ZFP92: variants seen among roughly 807,000 people sequenced by gnomAD.
The protein encoded by ZFP92 is ZFP92 zinc finger protein, also known as zinc finger protein 92 homolog.
Under a neutral mutation model 7.6 loss-of-function variants are expected in ZFP92, and 2 were observed. The ratio of observed to expected loss-of-function variants is 0.26; its 90% CI spans 0.11 to 0.83. ZFP92 has a LOEUF of 0.83. ZFP92 is among the 40% of genes least tolerant of loss of function. The pLI is 0.65. For synonymous variants in ZFP92, 226 were observed against 183.6 expected, an observed-to-expected ratio of 1.23 and a Z score of -1.87; for missense variants, 324 against 408.3, an observed-to-expected ratio of 0.79 and a Z score of 1.78.
chrX:153,421,181 G>A lies in ZFP92; in HGVS notation c.804G>A (p.Glu268=), dbSNP rs782714331. Residue 268 remains glutamate, a synonymous_variant, in exon 6 of 6, where the codon GAG becomes GAA. Coordinates refer to ENST00000338647, the MANE Select transcript of ZFP92 (RefSeq NM_001136273.2). ...HSGERPYACP[E]CGKAFSRSSN... is the part of the protein sequence containing the mutation. ...GCGAGCGGCCCTACGCGTGCCCAGA[G>A]TGCGGCAAGGCCTTCAGCCGCAGCT... 1 of 1,185,592 alleles carries A rather than the reference G, an allele frequency of 8.4e-7. No homozygotes were observed. The highest frequency in any genetic ancestry group is 1.8e-5 in the South Asian group (1 of 54,409).
rs1378520732 is a variant in ZFP92 at position 153,422,721 on chromosome X, G to A, written c.*1093G>A. 3.5e-5 allele frequency: 4 copies of A among 112,994 alleles called. No individual in the cohort carries two copies. Among genetic ancestry groups the A allele is most frequent in the Admixed American group, 2.8e-4 (3 of 10,801 alleles). The allele number at this position is 112,994 out of a possible 1,213,427, so 9.3% of individuals were successfully genotyped here. ...CAAGCCCAGGAACGAATCTTTCATC[G>A]AATGTCTTTTGCGTGACATTTTGTA... is the stretch of plus-strand genomic sequence containing the variant. On this transcript the variant is annotated 3_prime_UTR_variant, in exon 6 of 6. Transcript: ENST00000338647.
intron 2 of ZFP92, 97 bp from the exon 3 acceptor site, chrX:153,418,208 T>C: frequency 1.0e-6 from 1 of 992,065 alleles, no homozygotes; most frequent in Non-Finnish European, 1.4e-6. Flanking sequence ...GCTGTGCTTA[T>C]TTCACAAGAA....
At chrX:153,418,485 C>T (rs2088973106) in intron 3 of ZFP92, 130 bp downstream of exon 3, 1 of 986,777 alleles carries the variant, frequency 1.0e-6, no homozygotes, top group Admixed American at 3.2e-5. Context: ...CTGAGGCGCA[C>T]AATCTGGGCT....
intron 2 of ZFP92, among the ~76,000 whole-genome samples, chrX:153,412,507 T>C (rs911459741): frequency 8.9e-6 from 1 of 112,366 alleles, no homozygotes; most frequent in Non-Finnish European, 1.9e-5. Context: ...TAAAAGGCAG[T>C]AAGAGCCGGG....
chrX:153,421,071 G>A lies in ZFP92; in HGVS notation c.694G>A (p.Gly232Ser), dbSNP rs782446518. The A allele has an allele frequency of 1.1e-4, 130 of 1,187,274 alleles. 1 individual carries two copies. The highest frequency in any genetic ancestry group is 1.4e-4 in the Non-Finnish European group (120 of 883,417). ...CATCAAGCACCAGGTCATCCACAGC[G>A]GCGAGCGGCCCTTCGCCTGCGGCGA... The part of the protein sequence containing the change: ...NLIKHQVIHS[G>S]ERPFACGDCG... The change falls in exon 6 of 6, where the codon GGC (glycine) becomes AGC (serine). Residue 232 changes from glycine (G) to serine (S), a missense_variant. Physicochemically the swap from Gly to Ser is moderately conservative, Grantham distance 56. Coordinates refer to ENST00000338647, the MANE Select transcript of ZFP92 (RefSeq NM_001136273.2).
intron 2 of ZFP92, among the ~76,000 whole-genome samples, chrX:153,415,540 T>A (rs1488466079): frequency 1.8e-5 from 2 of 111,929 alleles, no homozygotes; most frequent in African/African-American, 6.5e-5. Flanking sequence ...CTCTAGTGAT[T>A]AATGCTGCTG....
Position 153,421,794 on chromosome X carries a change from C to G in ZFP92, c.*166C>G. On this transcript the variant is annotated 3_prime_UTR_variant, in exon 6 of 6. Coordinates refer to ENST00000338647, the MANE Select transcript of ZFP92 (RefSeq NM_001136273.2). Reference sequence around the variant, plus strand: ...AGAAGACCCCAGGCAGAGCCTCACCCTGAGGCTGAGAAACGCAGGAAGGAC... The same window carrying G: ...AGAAGACCCCAGGCAGAGCCTCACCGTGAGGCTGAGAAACGCAGGAAGGAC... 1.6e-6 allele frequency: 1 copy of G among 626,442 alleles called. No individual in the cohort carries two copies. The highest frequency in any genetic ancestry group is 2.1e-6 in the Non-Finnish European group (1 of 487,272). 51.6% of individuals were successfully genotyped at this position (626,442 alleles called of 1,213,427 possible).
Position 153,421,959 on chromosome X carries a change from G to C in ZFP92, c.*331G>C, listed in dbSNP as rs1308747351. 1.3e-5 allele frequency: 2 copies of C among 155,833 alleles called. No individual in the cohort carries two copies. Among genetic ancestry groups the C allele is most frequent in the Non-Finnish European group, 2.5e-5 (2 of 81,349 alleles). The allele number at this position is 155,833 out of a possible 1,213,427, so 12.8% of individuals were successfully genotyped here. ...TGGCACCTGGGCCACTCGTCCCTGA[G>C]CCACAGGTACTATCGAGTGTGCACA... On this transcript the variant is annotated 3_prime_UTR_variant, in exon 6 of 6. Transcript: ENST00000338647.
At position 153,424,964 on chromosome X, in the gene ZFP92, G is replaced by T. The variant is rs1292881657; in HGVS notation, c.*3336G>T. The T allele has an allele frequency of 8.9e-6, 1 of 112,605 alleles. No individual in the cohort carries two copies. Among genetic ancestry groups the T allele is most frequent in the Admixed American group, 9.3e-5 (1 of 10,704 alleles). The allele number at this position is 112,605 out of a possible 1,213,427, so 9.3% of individuals were successfully genotyped here. On this transcript the variant is annotated 3_prime_UTR_variant, in exon 6 of 6. Coordinates refer to ENST00000338647, the MANE Select transcript of ZFP92 (RefSeq NM_001136273.2). ...GAGCTGGGCTTTGGGTGTTCCTTGTGGGGGTCCCTGTGAAGGTAAGACAGA... is the reference window on the plus strand; with the variant it reads ...GAGCTGGGCTTTGGGTGTTCCTTGTTGGGGTCCCTGTGAAGGTAAGACAGA...
In ZFP92 at chrX:153,426,077, G is replaced by C. The variant is rs1602904660; in HGVS notation, c.*4449G>C. 2.7e-5 allele frequency: 3 copies of C among 110,976 alleles called. No individual in the cohort carries two copies. The highest frequency in any genetic ancestry group is 9.8e-5 in the African/African-American group (3 of 30,552). 9.1% of individuals were successfully genotyped at this position (110,976 alleles called of 1,213,427 possible). A position where few individuals can be genotyped will look rare whatever the true frequency, so the allele number is the denominator to read the frequency against. ...TAAAGTGTACAGTTGGAGGGTTTTTGGCATGTGTGGACACCCATGAAACCT... is the reference window on the plus strand; with the variant it reads ...TAAAGTGTACAGTTGGAGGGTTTTTCGCATGTGTGGACACCCATGAAACCT... On this transcript the variant is annotated 3_prime_UTR_variant, in exon 6 of 6. Transcript: ENST00000338647.
At chrX:153,418,929 A>G in intron 4 of ZFP92, 130 bp downstream of exon 4, 8 of 926,485 alleles carry the variant, frequency 8.6e-6, no homozygotes, top group Non-Finnish European at 1.2e-5. Context: ...CCATCAGACC[A>G]GTAATGCCAG....
In ZFP92 at chrX:153,424,077, A is replaced by G. The variant is rs2124303674; in HGVS notation, c.*2449A>G. On this transcript the variant is annotated 3_prime_UTR_variant, in exon 6 of 6. Transcript: ENST00000338647. ...CTTGTCATGCCATTGGTTCTGATGC[A>G]TAAGTGAACCCTGTTTTTAACGGAA... 1 of 113,048 alleles carries G rather than the reference A, an allele frequency of 8.8e-6. No homozygotes were observed. The highest frequency in any genetic ancestry group is 3.6e-4 in the South Asian group (1 of 2,757). The allele number at this position is 113,048 out of a possible 1,213,427, so 9.3% of individuals were successfully genotyped here. A position where few individuals can be genotyped will look rare whatever the true frequency, so the allele number is the denominator to read the frequency against.
rs782624406 is a variant in ZFP92, at chrX:153,420,291, C to T, written c.224C>T (p.Ala75Val). 3 of 1,167,509 alleles carry T rather than the reference C, an allele frequency of 2.6e-6. No homozygotes were observed. The highest frequency in any genetic ancestry group is 3.4e-6 in the Non-Finnish European group (3 of 872,812). Residue 75 changes from alanine to valine, a missense_variant, in exon 5 of 6, where the codon GCA becomes GTA. Ala to Val is a moderately conservative substitution (Grantham distance 64, BLOSUM62 0). Coordinates refer to ENST00000338647, the MANE Select transcript of ZFP92 (RefSeq NM_001136273.2). ...GAACGAGGGGAAGGACCCTGGGTAG[C>T]AGACATCCCCAGAACCTGGGCCACC... ...QLERGEGPWV[A>V]DIPRTWATAG... is the part of the protein sequence containing the mutation.
Position 153,423,763 on chromosome X carries a change from T to C in ZFP92, c.*2135T>C, listed in dbSNP as rs1216973509. The C allele has an allele frequency of 8.8e-6, 1 of 113,785 alleles. No individual in the cohort carries two copies. The highest frequency in any genetic ancestry group is 1.9e-5 in the Non-Finnish European group (1 of 53,523). 9.4% of individuals were successfully genotyped at this position (113,785 alleles called of 1,213,427 possible). ...AGAAAAAGAAGTATTAGGAATGGTGTATTTGAAGTCCCTGATGAGGCCATT... is the reference window on the plus strand; with the variant it reads ...AGAAAAAGAAGTATTAGGAATGGTGCATTTGAAGTCCCTGATGAGGCCATT... On this transcript the variant is annotated 3_prime_UTR_variant, in exon 6 of 6. Transcript: ENST00000338647.
chrX:153,418,435 T>C, intron 3 of ZFP92, 80 bp downstream of exon 3: 1 of 1,112,897 alleles, frequency 9.0e-7, no homozygotes, highest in South Asian at 2.0e-5. Context: ...CCTCTCCAGC[T>C]GGGCTGAGCT....
At chrX:153,414,115 T>C (rs910465004) in intron 2 of ZFP92, among the ~76,000 whole-genome samples, 19 of 112,069 alleles carry the variant, frequency 1.7e-4, no homozygotes, top group Non-Finnish European at 3.2e-4. Context: ...AGTACTGTTA[T>C]GGTAAGGAAA....
intron 2 of ZFP92, among the ~76,000 whole-genome samples, chrX:153,416,994 G>A (rs184992132): frequency 9.0e-6 from 1 of 111,518 alleles, no homozygotes; most frequent in African/African-American, 3.3e-5. Context: ...CCCTGAGGGA[G>A]GGCATTAATC....
In ZFP92 at chrX:153,411,642, G is replaced by A. The variant is rs1165771456; in HGVS notation, c.-129G>A. Among the ~76,000 whole-genome samples the A allele has an allele frequency of 8.8e-6, 1 of 113,021 alleles. No individual in the cohort carries two copies. Among genetic ancestry groups the A allele is most frequent in the African/African-American group, 3.2e-5 (1 of 31,183 alleles). ...GCTTCTAGGAGGAGGCGGCGGCCTT[G>A]GCCTCGGGCCTGCCGGGAGCAGGAA... On this transcript the variant is annotated 5_prime_UTR_variant, in exon 1 of 6. Coordinates refer to ENST00000338647, the MANE Select transcript of ZFP92 (RefSeq NM_001136273.2).
chrX:153,426,285 T>C lies in ZFP92; in HGVS notation c.*4657T>C, dbSNP rs1240208823. On this transcript the variant is annotated 3_prime_UTR_variant, in exon 6 of 6. Coordinates refer to ENST00000338647, the MANE Select transcript of ZFP92 (RefSeq NM_001136273.2). ...GAAATGGACTCATACAGTGTATGTCTGGCCTCTTTCACTCAGCACAATTCT... is the reference window on the plus strand; with the variant it reads ...GAAATGGACTCATACAGTGTATGTCCGGCCTCTTTCACTCAGCACAATTCT... 1 of 111,229 alleles carries C rather than the reference T, an allele frequency of 9.0e-6. No homozygotes were observed. The highest frequency in any genetic ancestry group is 1.9e-5 in the Non-Finnish European group (1 of 53,127). 9.2% of individuals were successfully genotyped at this position (111,229 alleles called of 1,213,427 possible). A position where few individuals can be genotyped will look rare whatever the true frequency, so the allele number is the denominator to read the frequency against.
Sources: gnomAD v4.1 joint callset for allele counts (sites outside exome capture counted in the v4.1 genomes callset) on GRCh38, gnomAD v4.1.1 for gene constraint, MANE v1.5 for transcripts, NCBI Gene and HGNC (gene_info 2026-07-23, HGNC 2026-07-21) for gene names.